The following ADCK1 variants were observed in gnomAD, a reference collection of about 807,000 sequenced individuals.
The protein encoded by ADCK1 is aarF domain containing kinase 1.
ADCK1 carries 41 observed loss-of-function variants against 52.3 expected under a neutral mutation model. The ratio of observed to expected loss-of-function variants is 0.78; its 90% CI spans 0.61 to 1.02. The LOEUF (loss-of-function observed/expected upper bound fraction) is 1.02. ADCK1 is among the 50% of genes least tolerant of loss of function. The pLI is 0.00. For missense variants in ADCK1, 658 were observed against 679.5 expected, an observed-to-expected ratio of 0.97 and a Z score of 0.35; for synonymous variants, 250 against 274.6, an observed-to-expected ratio of 0.91 and a Z score of 0.89.
At chr14:77,857,127 G>A (rs1426731171) in intron 3 of ADCK1, among the ~76,000 whole-genome samples, 3 of 152,076 alleles carry the variant, frequency 2.0e-5, no homozygotes, top group Non-Finnish European at 2.9e-5. Flanking sequence ...CTGGGTTGAG[G>A]GTGTTCAGGG....
At chr14:77,824,170 A>G (rs1262117004) in intron 3 of ADCK1, among the ~76,000 whole-genome samples, 2 of 151,428 alleles carry the variant, frequency 1.3e-5, no homozygotes, top group East Asian at 2.0e-4. Context: ...AGTGCTGGGA[A>G]AACAGGTGTG....
At chr14:77,877,237 G>A (rs1374863361) in intron 4 of ADCK1, among the ~76,000 whole-genome samples, 1 of 152,068 alleles carries the variant, frequency 6.6e-6, no homozygotes, top group African/African-American at 2.4e-5. Flanking sequence ...AAACACAAAG[G>A]GCTTTGGTAT....
intron 3 of ADCK1, among the ~76,000 whole-genome samples, chr14:77,836,715 A>G (rs2081966461): frequency 6.6e-6 from 1 of 151,272 alleles, no homozygotes; most frequent in African/African-American, 2.4e-5. Context: ...CTGTGGCTGC[A>G]TCATTGCAAT....
At chr14:77,899,446 A>G (rs887197704) in intron 6 of ADCK1, among the ~76,000 whole-genome samples, 188 bp downstream of exon 6, 1 of 152,226 alleles carries the variant, frequency 6.6e-6, no homozygotes, top group Admixed American at 6.5e-5. Context: ...GCAAAGAAAT[A>G]TCAAGTGTGA....
rs553065108 is a variant in ADCK1, at chr14:77,909,517, T to C, written c.858+1598T>C. ...GTGAGCATGTGGTCCCAATGGGGAGTTGGCCCACAGGAGAAAGCCATACCT... is the reference window on the plus strand; with the variant it reads ...GTGAGCATGTGGTCCCAATGGGGAGCTGGCCCACAGGAGAAAGCCATACCT... On this transcript the variant is annotated intron_variant, in intron 7 of 10. Transcript: ENST00000238561. 3.3e-5 allele frequency among the ~76,000 whole-genome samples: 5 copies of C among 151,862 alleles called. No individual in the cohort carries two copies. In the East Asian group the frequency reaches 5.8e-4, roughly 18 times the overall value.
At chr14:77,873,062 G>T (rs2082820681) in intron 4 of ADCK1, among the ~76,000 whole-genome samples, 2 of 152,116 alleles carry the variant, frequency 1.3e-5, no homozygotes, top group Admixed American at 1.3e-4. Context: ...TAAGTTCTTT[G>T]GTGGTGATTC....
chr14:77,886,985 C>A, intron 4 of ADCK1, 106 bp from the exon 5 acceptor site: 2 of 1,228,272 alleles, frequency 1.6e-6, no homozygotes, highest in Non-Finnish European at 1.1e-6. Flanking sequence ...TCTCTCAAAT[C>A]TGTCCTGGGG....
chr14:77,848,398 A>G (rs2082214647), intron 3 of ADCK1, among the ~76,000 whole-genome samples: 1 of 152,210 alleles, frequency 6.6e-6, no homozygotes, highest in South Asian at 2.1e-4. Context: ...GAATGATAGT[A>G]CCTATCTCAA....
At chr14:77,873,151 A>G (rs1594984964) in intron 4 of ADCK1, among the ~76,000 whole-genome samples, 1 of 151,866 alleles carries the variant, frequency 6.6e-6, no homozygotes, top group South Asian at 2.1e-4. Flanking sequence ...CTCCCTCCCC[A>G]CCGCTTTCTA....
At chr14:77,802,677 G>A (rs1320594967) in intron 1 of ADCK1, among the ~76,000 whole-genome samples, 14 of 152,274 alleles carry the variant, frequency 9.2e-5, no homozygotes, top group Non-Finnish European at 1.9e-4. Context: ...CTAGCCGGGC[G>A]CGGTGGCTCA....
chr14:77,838,599 T>C (rs2082006377), intron 3 of ADCK1, among the ~76,000 whole-genome samples: 1 of 152,166 alleles, frequency 6.6e-6, no homozygotes, highest in Non-Finnish European at 1.5e-5. Context: ...GGTTTCACCA[T>C]GTTGCCTAGG....
Position 77,902,440 on chromosome 14 carries a change from G to T in ADCK1, c.741+3182G>T, listed in dbSNP as rs926921777. 2.6e-5 allele frequency: 4 copies of T among 152,344 alleles called. No homozygotes were observed. The South Asian group carries it at 6.2e-4, about 24-fold the overall frequency. 9.4% of individuals were successfully genotyped at this position (152,344 alleles called of 1,614,324 possible). ...CTGGTGTCACTGCCCCAGCCTTGGA[G>T]CTCAAACCACCAGTTCAGTGAAAAC... On this transcript the variant is annotated intron_variant, in intron 6 of 10. Transcript: ENST00000238561.
chr14:77,928,621 C>G (rs958370785), intron 9 of ADCK1, among the ~76,000 whole-genome samples: 1 of 152,030 alleles, frequency 6.6e-6, no homozygotes, highest in African/African-American at 2.4e-5. Flanking sequence ...GCCACCACAC[C>G]TGGCTAATTT....
chr14:77,873,667 T>C (rs80236425), intron 4 of ADCK1, among the ~76,000 whole-genome samples: 5,008 of 152,292 alleles, frequency 0.033, 147 homozygotes, highest in South Asian at 0.12. Flanking sequence ...CTTGTGATAG[T>C]GAGTTAGTTC....
At chr14:77,888,278 C>T (rs2083205084) in intron 5 of ADCK1, among the ~76,000 whole-genome samples, 2 of 152,058 alleles carry the variant, frequency 1.3e-5, no homozygotes, top group African/African-American at 2.4e-5. Context: ...TCGACCTGTT[C>T]AGATGGTATG....
intron 1 of ADCK1, among the ~76,000 whole-genome samples, chr14:77,813,638 G>A (rs961194473): frequency 2.0e-5 from 3 of 152,116 alleles, no homozygotes; most frequent in African/African-American, 4.8e-5. Flanking sequence ...CTTAAAAATC[G>A]TTGCTTGCAG....
rs1253582743 is a variant in ADCK1, at chr14:77,931,702, C to T, written c.1391C>T (p.Ala464Val). 1.2e-5 allele frequency: 19 copies of T among 1,602,700 alleles called. No homozygotes were observed. Among genetic ancestry groups the T allele is most frequent in the Admixed American group, 5.0e-5 (3 of 59,976 alleles). Reference sequence around the variant, plus strand: ...AACATGTCACGTTGCTGCATCAGAGCGCTAGCTGAGTGAGTGTGGGCTCCT... The same window carrying T: ...AACATGTCACGTTGCTGCATCAGAGTGCTAGCTGAGTGAGTGTGGGCTCCT... ...FLNMSRCCIR[A>V]LAEHKKKNTC... is the part of the protein sequence containing the mutation. Residue 464 changes from alanine to valine, a missense_variant, in exon 10 of 11, where the codon GCG (alanine) becomes GTG (valine). Physicochemically the swap from Ala to Val is moderately conservative, Grantham distance 64 (BLOSUM62 0). Coordinates refer to ENST00000238561, the MANE Select transcript of ADCK1 (RefSeq NM_020421.4).
chr14:77,840,993 C>T (rs10132900), intron 3 of ADCK1, among the ~76,000 whole-genome samples: 16,225 of 151,796 alleles, frequency 0.11, 961 homozygotes, highest in Middle Eastern at 0.14. Context: ...ATCTTCATTC[C>T]CTGTGCCATG....
chr14:77,924,334 C>T (rs17753382), intron 7 of ADCK1, 123 bp from the exon 8 acceptor site: 71,549 of 1,299,090 alleles, frequency 0.055, 2,302 homozygotes, highest in Middle Eastern at 0.067. Context: ...CCACCACAAC[C>T]GCTCCGGCCC....
Sources: gnomAD v4.1 joint callset for allele counts (sites outside exome capture counted in the v4.1 genomes callset) on GRCh38, gnomAD v4.1.1 for gene constraint, MANE v1.5 for transcripts, NCBI Gene and HGNC (gene_info 2026-07-23, HGNC 2026-07-21) for gene names.